The following OLA1 variants were observed in gnomAD, a reference collection of about 807,000 sequenced individuals.
OLA1 encodes the protein Obg like ATPase 1.
A neutral mutation model predicts 48.4 loss-of-function variants in OLA1; 14 were observed. The ratio of observed to expected loss-of-function variants is 0.29; its 90% CI spans 0.19 to 0.45. The LOEUF (loss-of-function observed/expected upper bound fraction) is 0.45, where lower values mean the gene tolerates loss of function less well. OLA1 is among the 20% of genes least tolerant of loss of function. The pLI, the probability that OLA1 is intolerant of heterozygous loss-of-function variation, is 1.00. For missense variants in OLA1, 325 were observed against 467.1 expected (o/e 0.70, Z 2.80); for synonymous variants, 127 against 150.4 (o/e 0.84, Z 1.14).
chr2:174,122,552 G>A (rs1458467555), intron 7 of OLA1, among the ~76,000 whole-genome samples: 1 of 152,164 alleles, frequency 6.6e-6, no homozygotes, highest in Non-Finnish European at 1.5e-5. Flanking sequence ...TGAGTGGTAT[G>A]CCAAATGTGG....
intron 5 of OLA1, among the ~76,000 whole-genome samples, chr2:174,135,579 G>A (rs914113127): frequency 6.6e-5 from 10 of 152,120 alleles, no homozygotes; most frequent in African/African-American, 2.4e-4. Flanking sequence ...AGATGTAGAT[G>A]GTGCAAAAGA....
chr2:174,164,045 G>A lies in OLA1; in HGVS notation c.374-22045C>T, dbSNP rs114661174. ...ACCCCCATTCTGTTCTTGTGATAGT[G>A]AGTTCACACAAGATGTGATGGTTTT... is the stretch of plus-strand genomic sequence containing the variant. On this transcript the variant is annotated intron_variant, in intron 4 of 10. Transcript: ENST00000284719. Among the ~76,000 whole-genome samples, 1,185 of 151,652 alleles carry A rather than the reference G, an allele frequency of 7.8e-3. 18 individuals carry two copies. The highest frequency in any genetic ancestry group is 0.027 in the African/African-American group (1,113 of 41,310).
intron 5 of OLA1, among the ~76,000 whole-genome samples, chr2:174,131,632 G>C (rs1686183089): frequency 6.6e-6 from 1 of 152,066 alleles, no homozygotes; most frequent in Non-Finnish European, 1.5e-5. Context: ...GGTATTGTCA[G>C]TCTTATTAAT....
intron 4 of OLA1, among the ~76,000 whole-genome samples, chr2:174,174,506 A>C (rs936425235): frequency 6.6e-6 from 1 of 152,110 alleles, no homozygotes. Flanking sequence ...CAAACTAGGA[A>C]TAACGAGTAA....
chr2:174,170,546 T>G (rs1687274814), intron 4 of OLA1, among the ~76,000 whole-genome samples: 1 of 152,118 alleles, frequency 6.6e-6, no homozygotes, highest in African/African-American at 2.4e-5. Flanking sequence ...GTGTTGACTA[T>G]CAGAATTGAT....
chr2:174,119,882 C>A (rs952670047), intron 7 of OLA1, among the ~76,000 whole-genome samples: 1 of 151,880 alleles, frequency 6.6e-6, no homozygotes, highest in Non-Finnish European at 1.5e-5. Flanking sequence ...TATAATATTA[C>A]CCAAAAGGTA....
intron 3 of OLA1, among the ~76,000 whole-genome samples, chr2:174,228,538 G>A (rs758588858): frequency 1.1e-4 from 17 of 152,054 alleles, no homozygotes; most frequent in Non-Finnish European, 2.4e-4. Flanking sequence ...CCTACTGTCT[G>A]AACTTCCTAC....
chr2:174,248,015 C>A (rs781331202), intron 1 of OLA1: 38 of 422,038 alleles, frequency 9.0e-5, no homozygotes, highest in Non-Finnish European at 1.5e-4. Context: ...CAGTAGTATT[C>A]CAGCCTCTGA....
chr2:174,076,958 T>C (rs1398573246), intron 10 of OLA1, among the ~76,000 whole-genome samples: 1 of 152,086 alleles, frequency 6.6e-6, no homozygotes, highest in Admixed American at 6.6e-5. Flanking sequence ...CATATTGACA[T>C]GACATATTAA....
At chr2:174,177,622 A>G (rs1242255975) in intron 4 of OLA1, among the ~76,000 whole-genome samples, 6 of 152,148 alleles carry the variant, frequency 3.9e-5, no homozygotes, top group Non-Finnish European at 8.8e-5. Flanking sequence ...ATCCAATTTA[A>G]GAGCACTATT....
chr2:174,244,426 C>T (rs192686570), intron 2 of OLA1, among the ~76,000 whole-genome samples: 12 of 152,250 alleles, frequency 7.9e-5, no homozygotes, highest in Middle Eastern at 3.4e-3. Flanking sequence ...CTTCCACGTA[C>T]ATTAATTTCA....
chr2:174,183,641 AAAC>A (rs1246187917), intron 4 of OLA1, among the ~76,000 whole-genome samples: 5 of 152,254 alleles, frequency 3.3e-5, no homozygotes, highest in Admixed American at 1.3e-4. Flanking sequence ...AAAAGCAAGC[AAAC>A]AACGATTTTG....
At chr2:174,204,670 C>T (rs2105435521) in intron 4 of OLA1, among the ~76,000 whole-genome samples, 1 of 151,986 alleles carries the variant, frequency 6.6e-6, no homozygotes, top group East Asian at 1.9e-4. Context: ...AAATATTATT[C>T]CTTCACTAAA....
chr2:174,246,743 T>C lies in OLA1; in HGVS notation c.73A>G (p.Ile25Val), dbSNP rs1689134657. 2 of 1,611,698 alleles carry C rather than the reference T, an allele frequency of 1.2e-6. No individual in the cohort carries two copies. Among genetic ancestry groups the C allele is most frequent in the Non-Finnish European group, 1.7e-6 (2 of 1,178,532 alleles). Residue 25 changes from isoleucine to valine, a missense_variant, in exon 2 of 11, where the codon ATT (isoleucine) becomes GTT (valine). Physicochemically the swap from Ile to Val is conservative, Grantham distance 29 (BLOSUM62 3). Transcript: ENST00000284719. ...IIGRFGTSLK[I>V]GIVGLPNVGK... is the part of the protein sequence containing the mutation. ...ACATTTGGCAATCCAACAATACCAA[T>C]TTTCAGTGAGGTTCCAAATCTTCCA...
chr2:174,118,106 CTT>C (rs990939768), intron 7 of OLA1, among the ~76,000 whole-genome samples: 2 of 152,144 alleles, frequency 1.3e-5, no homozygotes, highest in African/African-American at 4.8e-5. Context: ...GTGCTACACA[CTT>C]TTAAACAACC....
At chr2:174,119,424 AAT>A (rs1225449964) in intron 7 of OLA1, among the ~76,000 whole-genome samples, 29 of 152,126 alleles carry the variant, frequency 1.9e-4, no homozygotes, top group Non-Finnish European at 3.2e-4. Context: ...GTTCTATAGA[AAT>A]AGTTTTTTAT....
At chr2:174,099,697 A>T (rs1271448680) in intron 7 of OLA1, among the ~76,000 whole-genome samples, 1 of 152,194 alleles carries the variant, frequency 6.6e-6, no homozygotes, top group Non-Finnish European at 1.5e-5. Flanking sequence ...TCACTTGAAA[A>T]TAAATTGCCA....
intron 4 of OLA1, among the ~76,000 whole-genome samples, chr2:174,169,151 T>A (rs1006488101): frequency 6.6e-6 from 1 of 152,116 alleles, no homozygotes; most frequent in African/African-American, 2.4e-5. Flanking sequence ...TTCGCCATGT[T>A]GGCCAGGCTG....
At chr2:174,243,828 C>T (rs1689064375) in intron 2 of OLA1, among the ~76,000 whole-genome samples, 1 of 152,190 alleles carries the variant, frequency 6.6e-6, no homozygotes, top group Non-Finnish European at 1.5e-5. Context: ...AGTAAGCCTT[C>T]CTATTCACCC....
Sources: allele counts gnomAD v4.1 joint callset (sites outside exome capture counted in the v4.1 genomes callset), GRCh38; gene constraint gnomAD v4.1.1; transcripts MANE v1.5; gene names NCBI Gene and HGNC (gene_info 2026-07-23, HGNC 2026-07-21).